Variants in ARL3 observed in about 807,000 individuals in gnomAD.
The protein encoded by ARL3 is ARF like GTPase 3, also known as ADP-ribosylation factor-like protein 3.
In ARL3, 9 loss-of-function variants were observed where a neutral mutation model predicts 26.0. The ratio of observed to expected loss-of-function variants is 0.35; its 90% CI spans 0.21 to 0.60. ARL3 has a LOEUF of 0.60. Among genes scored for constraint, ARL3 ranks in the 20% least tolerant of loss-of-function variants. The probability of loss-of-function intolerance (pLI) is 0.78; values close to 1 mark genes in which losing one functional copy is unlikely to be tolerated. For synonymous variants in ARL3, 71 were observed against 78.4 expected (o/e 0.91, Z 0.50); for missense variants, 158 against 215.7 (o/e 0.73, Z 1.67).
intron 3 of ARL3, among the ~76,000 whole-genome samples, chr10:102,697,346 T>A (rs1195951636): frequency 6.6e-6 from 1 of 152,182 alleles, no homozygotes; most frequent in Admixed American, 6.5e-5. Flanking sequence ...GCCCAGCTAA[T>A]TTTCATATTT....
chr10:102,678,996 C>T (rs773250562), intron 5 of ARL3, among the ~76,000 whole-genome samples: 3 of 152,246 alleles, frequency 2.0e-5, no homozygotes, highest in Admixed American at 6.5e-5. Context: ...CTGCAGCTGC[C>T]GCTGCAACCC....
In ARL3 at chr10:102,676,446, T is replaced by C. The variant is rs539749953; in HGVS notation, c.*448A>G. ...AATCACTGACAGCACCAGCAAACAC[T>C]GTCTGTGGTTTCAAAACCATGGAGG... On this transcript the variant is annotated 3_prime_UTR_variant, in exon 6 of 6. Coordinates refer to ENST00000260746, the MANE Select transcript of ARL3 (RefSeq NM_004311.4). The C allele has an allele frequency of 1.1e-4, 17 of 155,082 alleles. 1 individual carries two copies. In the South Asian group the frequency reaches 3.0e-3, roughly 27 times the overall value. The allele number at this position is 155,082 out of a possible 1,614,324, so 9.6% of individuals were successfully genotyped here.
At chr10:102,694,003 T>C (rs573300022) in intron 3 of ARL3, among the ~76,000 whole-genome samples, 23 of 152,102 alleles carry the variant, frequency 1.5e-4, no homozygotes, top group Non-Finnish European at 3.2e-4. Flanking sequence ...ATTTATTTTT[T>C]TTGAGATGGA....
At chr10:102,689,622 G>A (rs1486229414) in intron 4 of ARL3, among the ~76,000 whole-genome samples, 4 of 151,910 alleles carry the variant, frequency 2.6e-5, no homozygotes, top group African/African-American at 4.8e-5. Flanking sequence ...ACCTGAGGTC[G>A]GGAGTTCAAG....
chr10:102,683,500 A>G (rs2064166569), intron 5 of ARL3, among the ~76,000 whole-genome samples: 1 of 152,080 alleles, frequency 6.6e-6, no homozygotes, highest in Non-Finnish European at 1.5e-5. Flanking sequence ...TACAAAAATC[A>G]TTTTTTATTT....
At chr10:102,697,150 A>G (rs561004798) in intron 3 of ARL3, among the ~76,000 whole-genome samples, 1 of 152,082 alleles carries the variant, frequency 6.6e-6, no homozygotes, top group Non-Finnish European at 1.5e-5. Context: ...CTATGTCACT[A>G]GGTAATATAA....
Position 102,676,762 on chromosome 10 carries a change from G to T in ARL3, c.*132C>A. 1 of 867,848 alleles carries T rather than the reference G, an allele frequency of 1.2e-6. No individual in the cohort carries two copies. The highest frequency in any genetic ancestry group is 1.9e-6 in the Non-Finnish European group (1 of 539,516). 53.8% of individuals were successfully genotyped at this position (867,848 alleles called of 1,614,324 possible). A position where few individuals can be genotyped will look rare whatever the true frequency, so the allele number is the denominator to read the frequency against. On this transcript the variant is annotated 3_prime_UTR_variant, in exon 6 of 6. Transcript: ENST00000260746. The stretch of plus-strand genomic sequence containing the variant: ...CTGGAATGGGGATTCTTTCTAAACC[G>T]TGTTGTTCCCTCTCTTCAAACAGCT...
At chr10:102,696,288 C>T (rs1261003909) in intron 3 of ARL3, among the ~76,000 whole-genome samples, 7 of 122,422 alleles carry the variant, frequency 5.7e-5, no homozygotes, top group Admixed American at 1.0e-4. Flanking sequence ...TTTTTTGAGA[C>T]GGAGTCTTGG....
intron 2 of ARL3, among the ~76,000 whole-genome samples, chr10:102,700,022 G>A (rs1401321008): frequency 6.6e-6 from 1 of 152,190 alleles, no homozygotes; most frequent in Non-Finnish European, 1.5e-5. Flanking sequence ...GATGCTATGG[G>A]GGAGGCTGGG....
intron 2 of ARL3, among the ~76,000 whole-genome samples, chr10:102,700,863 G>A (rs932784091): frequency 7.5e-6 from 1 of 133,694 alleles, no homozygotes; most frequent in Non-Finnish European, 1.5e-5. Context: ...TCAGCCTCCC[G>A]AGTAGCTGGG....
At position 102,685,947 on chromosome 10, in the gene ARL3, A is replaced by C; in HGVS notation, c.370T>G (p.Phe124Val). The change falls in exon 5 of 6, where the codon TTT (phenylalanine) becomes GTT (valine). Residue 124 changes from phenylalanine to valine, a missense_variant. Transcript: ENST00000260746. ...GTGAGCAAATCCTGCTTATTAGCAA[A>C]GATGAGCACTGGCACACAACTTAGT... is the stretch of plus-strand genomic sequence containing the variant. The part of the protein sequence containing the change: ...EKLSCVPVLI[F>V]ANKQDLLTAA... The C allele has an allele frequency of 6.2e-7, 1 of 1,614,196 alleles. No homozygotes were observed. Among genetic ancestry groups the C allele is most frequent in the Non-Finnish European group, 8.5e-7 (1 of 1,180,036 alleles).
At chr10:102,711,864 C>A (rs1237747466) in intron 1 of ARL3, among the ~76,000 whole-genome samples, 1 of 152,048 alleles carries the variant, frequency 6.6e-6, no homozygotes, top group East Asian at 1.9e-4. Flanking sequence ...ACATAACAGC[C>A]ACTGAAAAGA....
chr10:102,689,498 A>G (rs2064205350), intron 4 of ARL3, among the ~76,000 whole-genome samples: 2 of 151,930 alleles, frequency 1.3e-5, no homozygotes, highest in South Asian at 4.1e-4. Flanking sequence ...ATGAATACCC[A>G]GTTATTTGGG....
intron 5 of ARL3, among the ~76,000 whole-genome samples, chr10:102,682,198 TA>T (rs1366702489): frequency 6.6e-6 from 1 of 152,186 alleles, no homozygotes; most frequent in Non-Finnish European, 1.5e-5. Context: ...CCACTTGACA[TA>T]ACTGGGTCTC....
intron 1 of ARL3, among the ~76,000 whole-genome samples, chr10:102,709,403 G>A (rs1254001695): frequency 6.6e-6 from 1 of 151,162 alleles, no homozygotes; most frequent in Non-Finnish European, 1.5e-5. Context: ...GCTTTGGGAG[G>A]CTGAGGCAGG....
chr10:102,680,348 C>A (rs1338269488), intron 5 of ARL3, among the ~76,000 whole-genome samples: 1 of 152,122 alleles, frequency 6.6e-6, no homozygotes, highest in Non-Finnish European at 1.5e-5. Context: ...TCCTTCCTTC[C>A]CTGGACCCTC....
intron 2 of ARL3, among the ~76,000 whole-genome samples, chr10:102,704,455 A>G (rs2136008057): frequency 6.6e-6 from 1 of 152,224 alleles, no homozygotes; most frequent in South Asian, 2.1e-4. Context: ...CCTGGCCAAC[A>G]TGGCAAAACC....
chr10:102,690,013 G>A, intron 3 of ARL3, 70 bp from the exon 4 acceptor site: 2 of 980,654 alleles, frequency 2.0e-6, no homozygotes. Context: ...TCTGCAAAAG[G>A]AGCAGGTGAT....
intron 1 of ARL3, among the ~76,000 whole-genome samples, chr10:102,705,875 C>T (rs369338554): frequency 2.6e-5 from 4 of 152,042 alleles, no homozygotes; most frequent in East Asian, 1.9e-4. Context: ...TAAAGTTTCT[C>T]GTGGTAAGGG....
Sources: gnomAD v4.1 joint callset for allele counts (sites outside exome capture counted in the v4.1 genomes callset) on GRCh38, gnomAD v4.1.1 for gene constraint, MANE v1.5 for transcripts, NCBI Gene and HGNC (gene_info 2026-07-23, HGNC 2026-07-21) for gene names.